RSPO2: variants seen among roughly 807,000 people sequenced by gnomAD.
RSPO2 encodes R-spondin-2.
A neutral mutation model predicts 30.9 loss-of-function variants in RSPO2; 14 were observed. The ratio of observed to expected loss-of-function variants is 0.45; its 90% CI spans 0.30 to 0.71. The LOEUF is 0.71. RSPO2 is among the 30% of genes least tolerant of loss of function. RSPO2 has a pLI of 0.08. For synonymous variants in RSPO2, 107 were observed against 96.4 expected, an observed-to-expected ratio of 1.11 and a Z score of -0.64; for missense variants, 264 against 301.9, an observed-to-expected ratio of 0.87 and a Z score of 0.93.
At chr8:107,918,615 A>C (rs193217055) in intron 5 of RSPO2, among the ~76,000 whole-genome samples, 1 of 152,314 alleles carries the variant, frequency 6.6e-6, no homozygotes, top group Non-Finnish European at 1.5e-5. Flanking sequence ...CCAGCTCCTA[A>C]GTATTCGAGG....
chr8:108,054,579 G>A (rs961761662), intron 2 of RSPO2, among the ~76,000 whole-genome samples: 2 of 152,174 alleles, frequency 1.3e-5, no homozygotes, highest in African/African-American at 4.8e-5. Flanking sequence ...AGAGGCAAAA[G>A]AAAAGGATTT....
chr8:108,072,319 CTTTTT>C (rs34402426), intron 2 of RSPO2, among the ~76,000 whole-genome samples: 147 of 84,274 alleles, frequency 1.7e-3, no homozygotes, highest in African/African-American at 6.5e-3. Flanking sequence ...TGGCAGAGAA[CTTTTT>C]TTTTTTTTTT....
At chr8:108,022,204 C>T (rs1247150239) in intron 2 of RSPO2, among the ~76,000 whole-genome samples, 3 of 152,162 alleles carry the variant, frequency 2.0e-5, no homozygotes, top group Non-Finnish European at 4.4e-5. Context: ...AACAGCCACG[C>T]TCCATCTTTA....
chr8:107,928,252 C>T (rs1339053289), intron 5 of RSPO2, among the ~76,000 whole-genome samples: 1 of 152,130 alleles, frequency 6.6e-6, no homozygotes, highest in Non-Finnish European at 1.5e-5. Flanking sequence ...CTCTACATTC[C>T]TTAAACCTTA....
intron 2 of RSPO2, among the ~76,000 whole-genome samples, chr8:108,077,063 C>G (rs147308363): frequency 6.6e-6 from 1 of 152,216 alleles, no homozygotes; most frequent in African/African-American, 2.4e-5. Context: ...TTAAGAAACC[C>G]CTTTCTAAAA....
intron 2 of RSPO2, among the ~76,000 whole-genome samples, chr8:108,056,349 T>G (rs999548266): frequency 2.0e-5 from 3 of 152,038 alleles, no homozygotes; most frequent in African/African-American, 7.2e-5. Context: ...GTAAGCATAG[T>G]GACTCACACC....
rs138796802 is a variant in RSPO2, at chr8:108,043,750, T to A, written c.94+38795A>T. ...GATAGCCAGGCAAGAAGCAAAGGAA[T>A]GTAAAAGTTCTGCAGGCTGGTTCTG... On this transcript the variant is annotated intron_variant, in intron 2 of 5. Transcript: ENST00000276659. 1.4e-4 allele frequency among the ~76,000 whole-genome samples: 21 copies of A among 152,154 alleles called. No homozygotes were observed. The East Asian group carries it at 3.5e-3, about 25-fold the overall frequency.
intron 2 of RSPO2, among the ~76,000 whole-genome samples, chr8:108,016,821 C>T (rs1221448946): frequency 4.6e-5 from 7 of 152,008 alleles, no homozygotes; most frequent in Non-Finnish European, 1.0e-4. Flanking sequence ...CTCTCTCTCG[C>T]GCTCCTGCTC....
At chr8:108,066,795 G>T (rs1229173076) in intron 2 of RSPO2, among the ~76,000 whole-genome samples, 1 of 152,164 alleles carries the variant, frequency 6.6e-6, no homozygotes, top group Non-Finnish European at 1.5e-5. Context: ...AACCCCTAAT[G>T]AAACTGTTAA....
At chr8:108,014,063 T>C (rs1810791869) in intron 2 of RSPO2, among the ~76,000 whole-genome samples, 1 of 152,176 alleles carries the variant, frequency 6.6e-6, no homozygotes, top group Admixed American at 6.5e-5. Flanking sequence ...AAAGAAGACA[T>C]TTATGCAGCC....
At chr8:107,910,426 A>T (rs1811785948) in intron 5 of RSPO2, among the ~76,000 whole-genome samples, 1 of 152,220 alleles carries the variant, frequency 6.6e-6, no homozygotes, top group Non-Finnish European at 1.5e-5. Context: ...CCAACTACTC[A>T]GAAGCCTAAG....
chr8:108,042,630 G>C (rs1811792788), intron 2 of RSPO2, among the ~76,000 whole-genome samples: 2 of 152,258 alleles, frequency 1.3e-5, no homozygotes, highest in Admixed American at 6.5e-5. Context: ...GACAGCTAGG[G>C]AACCCAAATG....
chr8:107,957,079 A>G (rs1813456281), intron 5 of RSPO2, among the ~76,000 whole-genome samples: 1 of 152,198 alleles, frequency 6.6e-6, no homozygotes, highest in African/African-American at 2.4e-5. Flanking sequence ...GAGTCTTAAA[A>G]GTATTGTCTT....
At chr8:107,983,805 C>T in intron 3 of RSPO2, 2 of 1,604,452 alleles carry the variant, frequency 1.2e-6, no homozygotes, top group African/African-American at 1.3e-5. Flanking sequence ...ATGGAGCTTG[C>T]CACCACATTC....
intron 5 of RSPO2, among the ~76,000 whole-genome samples, chr8:107,935,690 A>C (rs1812701751): frequency 6.6e-6 from 1 of 152,152 alleles, no homozygotes; most frequent in East Asian, 1.9e-4. Context: ...AGGAATCTGG[A>C]ACAATACTAC....
chr8:107,915,130 A>G (rs897378125), intron 5 of RSPO2, among the ~76,000 whole-genome samples: 3 of 152,196 alleles, frequency 2.0e-5, no homozygotes, highest in African/African-American at 4.8e-5. Context: ...ACTTTTCCAT[A>G]GAACACATCT....
chr8:107,927,718 G>GA (rs1812427452), intron 5 of RSPO2, among the ~76,000 whole-genome samples: 1 of 152,068 alleles, frequency 6.6e-6, no homozygotes, highest in Non-Finnish European at 1.5e-5. Context: ...TGCATATGTT[G>GA]AACCAGCCTT....
intron 2 of RSPO2, among the ~76,000 whole-genome samples, chr8:107,991,840 A>G (rs892765644): frequency 3.9e-5 from 6 of 152,180 alleles, no homozygotes; most frequent in Admixed American, 3.3e-4. Context: ...ATGAGATACC[A>G]TCTCCCACCA....
rs562714072 is a variant in RSPO2, at chr8:107,947,573, C to T, written c.616+10507G>A. ...TAGAAAAGCAAACAACAGGAAAACA[C>T]GTAAACATCAGAACCCGTAAGTATT... On this transcript the variant is annotated intron_variant, in intron 5 of 5. Coordinates refer to ENST00000276659, the MANE Select transcript of RSPO2 (RefSeq NM_178565.5). Among the ~76,000 whole-genome samples the T allele has an allele frequency of 1.8e-4, 28 of 152,326 alleles. No homozygotes were observed. In the South Asian group the frequency reaches 4.6e-3, roughly 25 times the overall value.
Sources: gnomAD v4.1 joint callset for allele counts (sites outside exome capture counted in the v4.1 genomes callset) on GRCh38, gnomAD v4.1.1 for gene constraint, MANE v1.5 for transcripts, NCBI Gene and HGNC (gene_info 2026-07-23, HGNC 2026-07-21) for gene names.